VPS13B: variants seen among roughly 807,000 people sequenced by gnomAD.
VPS13B encodes intermembrane lipid transfer protein VPS13B.
VPS13B carries 285 observed loss-of-function variants against 426.4 expected under a neutral mutation model. That is an observed-to-expected ratio of 0.67 (90% CI 0.61 to 0.74). The LOEUF (loss-of-function observed/expected upper bound fraction) is 0.74. VPS13B is among the 30% of genes least tolerant of loss of function. The pLI, the probability that VPS13B is intolerant of heterozygous loss-of-function variation, is 0.00. For synonymous variants in VPS13B, 1,676 were observed against 1,676.4 expected (o/e 1.00, Z 0.01); for missense variants, 4,537 against 4,782.6 (o/e 0.95, Z 1.51).
chr8:99,744,972 A>AT (rs1219915481), intron 39 of VPS13B, among the ~76,000 whole-genome samples: 16 of 149,068 alleles, frequency 1.1e-4, no homozygotes, highest in African/African-American at 3.7e-4. Flanking sequence ...AAGTATAATA[A>AT]AAAAAAAAGA....
chr8:99,088,183 C>CAAAA (rs1326004820), intron 3 of VPS13B, among the ~76,000 whole-genome samples: 1 of 64,844 alleles, frequency 1.5e-5, no homozygotes, highest in Admixed American at 1.8e-4. Flanking sequence ...GACCCTGTCT[C>CAAAA]AAAAAAAAAA....
chr8:99,372,745 C>T (rs1247226973), intron 19 of VPS13B, among the ~76,000 whole-genome samples: 4 of 152,264 alleles, frequency 2.6e-5, no homozygotes, highest in African/African-American at 4.8e-5. Context: ...CCATCATGGA[C>T]GACAGTGTGG....
chr8:99,770,094 G>C (rs574982060), intron 40 of VPS13B, among the ~76,000 whole-genome samples: 263 of 152,256 alleles, frequency 1.7e-3, no homozygotes, highest in African/African-American at 5.5e-3. Context: ...AGGAGGCAGA[G>C]GCTGCAGTGA....
At chr8:99,387,663 G>A (rs1008868669) in intron 20 of VPS13B, among the ~76,000 whole-genome samples, 2 of 151,930 alleles carry the variant, frequency 1.3e-5, no homozygotes, top group Admixed American at 1.3e-4. Context: ...ATGGAAAATC[G>A]AGAGAATTGC....
At chr8:99,724,654 A>G (rs764075441) in intron 39 of VPS13B, among the ~76,000 whole-genome samples, 1 of 152,082 alleles carries the variant, frequency 6.6e-6, no homozygotes, top group African/African-American at 2.4e-5. Context: ...AAATAAATAA[A>G]TGCATTACAC....
chr8:99,600,751 T>G (rs933899676), intron 33 of VPS13B, among the ~76,000 whole-genome samples: 8 of 152,166 alleles, frequency 5.3e-5, no homozygotes, highest in African/African-American at 1.7e-4. Context: ...TGGAGAGCTT[T>G]CTTTCTCCAG....
At chr8:99,617,213 G>T (rs761872406) in intron 33 of VPS13B, among the ~76,000 whole-genome samples, 1 of 152,100 alleles carries the variant, frequency 6.6e-6, no homozygotes, top group Admixed American at 6.6e-5. Context: ...TCACATAGAT[G>T]ATCTATTTTA....
chr8:99,665,977 T>A (rs1200095307), intron 35 of VPS13B, among the ~76,000 whole-genome samples: 1 of 152,216 alleles, frequency 6.6e-6, no homozygotes, highest in African/African-American at 2.4e-5. Flanking sequence ...CATTTGTTTG[T>A]ATCCTCTTTT....
chr8:99,739,019 G>A (rs952252441), intron 39 of VPS13B, among the ~76,000 whole-genome samples: 6 of 152,238 alleles, frequency 3.9e-5, no homozygotes, highest in Non-Finnish European at 5.9e-5. Context: ...CCAAAGCAGG[G>A]CGAGGCATCG....
intron 14 of VPS13B, among the ~76,000 whole-genome samples, chr8:99,149,343 A>G (rs1347877354): frequency 6.6e-6 from 1 of 152,184 alleles, no homozygotes; most frequent in Non-Finnish European, 1.5e-5. Context: ...TTTGAGACAG[A>G]GTCTCGCTCT....
intron 19 of VPS13B, among the ~76,000 whole-genome samples, chr8:99,303,498 C>G (rs544027044): frequency 6.6e-6 from 1 of 151,282 alleles, no homozygotes; most frequent in African/African-American, 2.4e-5. Flanking sequence ...AAGTCTTGTG[C>G]ATTCTAGATT....
intron 54 of VPS13B, among the ~76,000 whole-genome samples, chr8:99,839,692 T>C (rs573368830): frequency 3.9e-5 from 6 of 152,352 alleles, no homozygotes; most frequent in Admixed American, 3.9e-4. Flanking sequence ...CTACAAATAG[T>C]AGCTGCCTGA....
At chr8:99,594,446 A>C (rs1826887219) in intron 33 of VPS13B, among the ~76,000 whole-genome samples, 1 of 151,996 alleles carries the variant, frequency 6.6e-6, no homozygotes, top group Non-Finnish European at 1.5e-5. Flanking sequence ...ACTCAATAAA[A>C]GCCATCACCA....
At chr8:99,510,169 A>G (rs1821709535) in intron 28 of VPS13B, among the ~76,000 whole-genome samples, 1 of 152,234 alleles carries the variant, frequency 6.6e-6, no homozygotes, top group South Asian at 2.1e-4. Context: ...GTTACATCAC[A>G]TTACTGTTTA....
At chr8:99,224,826 G>A (rs1262334739) in intron 17 of VPS13B, among the ~76,000 whole-genome samples, 2 of 151,732 alleles carry the variant, frequency 1.3e-5, no homozygotes, top group African/African-American at 2.4e-5. Flanking sequence ...TGGTGGTCAC[G>A]TACCACTCTG....
intron 17 of VPS13B, among the ~76,000 whole-genome samples, chr8:99,234,687 A>G (rs975336446): frequency 2.0e-5 from 3 of 152,268 alleles, no homozygotes; most frequent in Admixed American, 1.3e-4. Context: ...TTAAATAAAA[A>G]TAAGACATTA....
chr8:99,024,631 G>A (rs1010621169), intron 2 of VPS13B, among the ~76,000 whole-genome samples: 1 of 152,076 alleles, frequency 6.6e-6, no homozygotes, highest in Non-Finnish European at 1.5e-5. Context: ...GTTTGTTTTT[G>A]GTTTTGTTGT....
chr8:99,872,356 A>G (rs1817466490), intron 61 of VPS13B, among the ~76,000 whole-genome samples: 1 of 152,120 alleles, frequency 6.6e-6, no homozygotes, highest in Admixed American at 6.5e-5. Flanking sequence ...TCTCTTTCCC[A>G]CAGGATAGTT....
intron 31 of VPS13B, among the ~76,000 whole-genome samples, chr8:99,569,748 G>A (rs1825381214): frequency 6.6e-6 from 1 of 152,174 alleles, no homozygotes; most frequent in Admixed American, 6.5e-5. Flanking sequence ...ATACACCTGT[G>A]CCTTCTTGCT....
Sources: allele counts gnomAD v4.1 joint callset (sites outside exome capture counted in the v4.1 genomes callset), GRCh38; gene constraint gnomAD v4.1.1; transcripts MANE v1.5; gene names NCBI Gene and HGNC (gene_info 2026-07-23, HGNC 2026-07-21).